Variants in B4GALT1 observed in about 807,000 individuals in gnomAD.
The protein encoded by B4GALT1 is beta-1,4-galactosyltransferase 1.
In B4GALT1, 16 loss-of-function variants were observed where a neutral mutation model predicts 34.9. That is an observed-to-expected ratio of 0.46 (90% CI 0.31 to 0.70). The LOEUF (loss-of-function observed/expected upper bound fraction) is 0.70. Among genes scored for constraint, B4GALT1 ranks in the 30% least tolerant of loss-of-function variants. The pLI, the probability that B4GALT1 is intolerant of heterozygous loss-of-function variation, is 0.05. For missense variants in B4GALT1, 445 were observed against 530.5 expected, an observed-to-expected ratio of 0.84 and a Z score of 1.58; for synonymous variants, 221 against 218.1, an observed-to-expected ratio of 1.01 and a Z score of -0.12.
intron 2 of B4GALT1, among the ~76,000 whole-genome samples, chr9:33,129,244 G>A (rs1840157937): frequency 6.6e-6 from 1 of 152,150 alleles, no homozygotes; most frequent in Admixed American, 6.5e-5. Context: ...GAGTCCAAAG[G>A]ACCCTAAAGG....
At chr9:33,128,679 C>T (rs900982276) in intron 2 of B4GALT1, among the ~76,000 whole-genome samples, 7 of 152,172 alleles carry the variant, frequency 4.6e-5, no homozygotes, top group African/African-American at 1.7e-4. Context: ...AGCTCCGTTC[C>T]CACACACATC....
At position 33,112,690 on chromosome 9, in the gene B4GALT1, G is replaced by A. The variant is rs1335470916; in HGVS notation, c.*764C>T. 1 of 152,542 alleles carries A rather than the reference G, an allele frequency of 6.6e-6. No homozygotes were observed. Among genetic ancestry groups the A allele is most frequent in the Non-Finnish European group, 1.5e-5 (1 of 68,066 alleles). The allele number at this position is 152,542 out of a possible 1,614,324, so 9.4% of individuals were successfully genotyped here. A position where few individuals can be genotyped will look rare whatever the true frequency, so the allele number is the denominator to read the frequency against. ...CAAATTTGGATCAACACAAAATCAA[G>A]CTAGATCATAATTAGAACTCGATCT... is the stretch of plus-strand genomic sequence containing the variant. On this transcript the variant is annotated 3_prime_UTR_variant, in exon 6 of 6. Transcript: ENST00000379731.
At chr9:33,122,321 C>G (rs529980538) in intron 2 of B4GALT1, among the ~76,000 whole-genome samples, 1 of 152,098 alleles carries the variant, frequency 6.6e-6, no homozygotes, top group African/African-American at 2.4e-5. Context: ...AGCTCGAGAC[C>G]AGCCTGAGCA....
Position 33,113,360 on chromosome 9 carries a change from G to T in B4GALT1, c.*94C>A. The T allele has an allele frequency of 6.3e-7, 1 of 1,576,652 alleles. No individual in the cohort carries two copies. Among genetic ancestry groups the T allele is most frequent in the Non-Finnish European group, 8.7e-7 (1 of 1,147,612 alleles). On this transcript the variant is annotated 3_prime_UTR_variant, in exon 6 of 6. Transcript: ENST00000379731. ...GCGAAGGGGACCTGTCACTCAGACT[G>T]GTAAAAATGAGAGGGACCAGCCCAG...
chr9:33,159,444 G>C (rs1840644177), intron 1 of B4GALT1, among the ~76,000 whole-genome samples: 1 of 152,128 alleles, frequency 6.6e-6, no homozygotes, highest in African/African-American at 2.4e-5. Flanking sequence ...TCCAGGCTTT[G>C]TGCCAAATGA....
Position 33,122,515 on chromosome 9 carries a change from T to A in B4GALT1, c.649-1909A>T, listed in dbSNP as rs199659688. On this transcript the variant is annotated intron_variant, in intron 2 of 5. Coordinates refer to ENST00000379731, the MANE Select transcript of B4GALT1 (RefSeq NM_001497.4). Reference sequence around the variant, plus strand: ...GAGTGAGACCCCCATCTCAAAAAAATAAATAAATAAATAAATAAAACCAAG... The same window carrying A: ...GAGTGAGACCCCCATCTCAAAAAAAAAAATAAATAAATAAATAAAACCAAG... 5.4e-3 allele frequency among the ~76,000 whole-genome samples: 399 copies of A among 73,484 alleles called. 1 individual carries two copies. Among genetic ancestry groups the A allele is most frequent in the African/African-American group, 0.019 (365 of 18,978 alleles). 48.2% of individuals were successfully genotyped at this position (73,484 alleles called of 152,430 possible). A position where few individuals can be genotyped will look rare whatever the true frequency, so the allele number is the denominator to read the frequency against.
At chr9:33,128,445 T>C (rs1251563330) in intron 2 of B4GALT1, among the ~76,000 whole-genome samples, 1 of 151,972 alleles carries the variant, frequency 6.6e-6, no homozygotes, top group Non-Finnish European at 1.5e-5. Context: ...CCCAGAACAA[T>C]GTCCATGGAA....
chr9:33,133,038 G>A (rs540328881), intron 2 of B4GALT1, among the ~76,000 whole-genome samples: 13 of 152,190 alleles, frequency 8.5e-5, no homozygotes, highest in African/African-American at 2.4e-4. Flanking sequence ...GAGTAGCTGG[G>A]ATTACAGCCG....
downstream of B4GALT1, among the ~76,000 whole-genome samples, chr9:33,106,728 T>A (rs1467180409): frequency 6.6e-6 from 1 of 152,124 alleles, no homozygotes; most frequent in African/African-American, 2.4e-5. Context: ...TTACAAATGA[T>A]GACCCAGAAA....
At chr9:33,172,033 A>G (rs191789907), upstream of B4GALT1, among the ~76,000 whole-genome samples, 259 of 152,358 alleles carry the variant, frequency 1.7e-3, no homozygotes, top group African/African-American at 5.9e-3. Context: ...TATTGTCTAA[A>G]TCAGATCCAG....
At chr9:33,140,673 C>T (rs905120651) in intron 1 of B4GALT1, among the ~76,000 whole-genome samples, 1 of 152,186 alleles carries the variant, frequency 6.6e-6, no homozygotes. Flanking sequence ...GGTCTCAGAC[C>T]TGACAGTACA....
downstream of B4GALT1, among the ~76,000 whole-genome samples, chr9:33,108,447 T>A (rs1289699928): frequency 2.8e-5 from 4 of 142,224 alleles, no homozygotes; most frequent in African/African-American, 2.6e-5. Flanking sequence ...ACTCTGTCTC[T>A]AAAAAAAAAA....
At chr9:33,115,420 T>C (rs936144119) in intron 4 of B4GALT1, among the ~76,000 whole-genome samples, 4 of 152,224 alleles carry the variant, frequency 2.6e-5, no homozygotes, top group African/African-American at 9.7e-5. Context: ...AGATGTTTTT[T>C]ACCACTGTAA....
At chr9:33,162,224 A>G (rs1010328597) in intron 1 of B4GALT1, among the ~76,000 whole-genome samples, 13 of 152,182 alleles carry the variant, frequency 8.5e-5, no homozygotes, top group Non-Finnish European at 1.6e-4. Flanking sequence ...CAACCAAATA[A>G]AACCAGGGCT....
At chr9:33,129,311 T>G (rs1470964747) in intron 2 of B4GALT1, among the ~76,000 whole-genome samples, 1 of 152,234 alleles carries the variant, frequency 6.6e-6, no homozygotes, top group Non-Finnish European at 1.5e-5. Flanking sequence ...TTCTGCATTT[T>G]TCCTGATAAG....
chr9:33,161,802 G>A (rs1840678957), intron 1 of B4GALT1, among the ~76,000 whole-genome samples: 1 of 152,190 alleles, frequency 6.6e-6, no homozygotes, highest in Admixed American at 6.5e-5. Flanking sequence ...TCCAGTCTCT[G>A]CTTCTTCATA....
chr9:33,164,078 C>T lies in B4GALT1; in HGVS notation c.412+2680G>A, dbSNP rs144178218. ...ACCCATCAGCAGTCCAATCCGGTGC[C>T]TTATGTCCTCCAGGGAAGGGTTTGC... On this transcript the variant is annotated intron_variant, in intron 1 of 5. Transcript: ENST00000379731. 4.6e-3 allele frequency among the ~76,000 whole-genome samples: 694 copies of T among 152,312 alleles called. 9 individuals are homozygous for T. The highest frequency in any genetic ancestry group is 0.016 in the African/African-American group (653 of 41,558).
intron 1 of B4GALT1, among the ~76,000 whole-genome samples, chr9:33,155,664 C>T (rs979076022): frequency 3.9e-5 from 6 of 152,176 alleles, no homozygotes; most frequent in Non-Finnish European, 7.3e-5. Flanking sequence ...TATATTCTGT[C>T]CCTAAGTTGT....
intron 1 of B4GALT1, among the ~76,000 whole-genome samples, chr9:33,164,435 C>T (rs1163460045): frequency 6.6e-6 from 1 of 152,192 alleles, no homozygotes; most frequent in Non-Finnish European, 1.5e-5. Flanking sequence ...AAGAAAAGAC[C>T]TCTCGGCCCC....
Sources: gnomAD v4.1 joint callset for allele counts (sites outside exome capture counted in the v4.1 genomes callset) on GRCh38, gnomAD v4.1.1 for gene constraint, MANE v1.5 for transcripts, NCBI Gene and HGNC (gene_info 2026-07-23, HGNC 2026-07-21) for gene names.